DERL3: variants seen among roughly 807,000 people sequenced by gnomAD.
DERL3 encodes the protein derlin 3, also known as derlin-3.
Under a neutral mutation model 23.8 loss-of-function variants are expected in DERL3, and 20 were observed. The ratio of observed to expected loss-of-function variants is 0.84; its 90% confidence interval spans 0.59 to 1.22. The LOEUF (loss-of-function observed/expected upper bound fraction) is 1.22, where lower values mean the gene tolerates loss of function less well. Ranked by LOEUF, DERL3 falls within the 50% of genes most tolerant of loss-of-function variation. DERL3 has a pLI of 0.00. For synonymous variants in DERL3, 145 were observed against 132.5 expected (o/e 1.09, Z -0.65); for missense variants, 319 against 304.1 (o/e 1.05, Z -0.36).
chr22:23,838,414 A>C lies in DERL3; in HGVS notation c.265T>G (p.Ser89Ala). Residue 89 changes from serine to alanine, a missense_variant, in exon 4 of 7, where the codon TCC becomes GCC. Ser to Ala is a moderately conservative substitution (Grantham distance 99). Transcript: ENST00000318109. ...AAGTCGGCCGTGCGGCCGCGGAAGGAGCCCTCTTCCAGCATGCGGCAGTAG... is the reference window on the plus strand; with the variant it reads ...AAGTCGGCCGTGCGGCCGCGGAAGGCGCCCTCTTCCAGCATGCGGCAGTAG... ...FRYCRMLEEGSFRGRTADFVF... is the reference protein window; with the variant it reads ...FRYCRMLEEGAFRGRTADFVF... 1 of 1,609,444 alleles carries C rather than the reference A, an allele frequency of 6.2e-7. No individual in the cohort carries two copies. The highest frequency in any genetic ancestry group is 8.5e-7 in the Non-Finnish European group (1 of 1,177,918).
Position 23,836,717 on chromosome 22 carries a change from G to C in DERL3, c.*152C>G, listed in dbSNP as rs2031076355. 1 of 1,346,834 alleles carries C rather than the reference G, an allele frequency of 7.4e-7. No homozygotes were observed. Among genetic ancestry groups the C allele is most frequent in the Non-Finnish European group, 9.5e-7 (1 of 1,055,936 alleles). 83.4% of individuals were successfully genotyped at this position (1,346,834 alleles called of 1,614,324 possible). On this transcript the variant is annotated 3_prime_UTR_variant, in exon 7 of 7. Coordinates refer to ENST00000318109, the MANE Select transcript of DERL3 (RefSeq NM_001002862.3). Reference sequence around the variant, plus strand: ...GGCCAGGTGAGATGGGGAAGCCAGTGCTGTGGGCCAAGAGACTGCAGCTCA... The same window carrying C: ...GGCCAGGTGAGATGGGGAAGCCAGTCCTGTGGGCCAAGAGACTGCAGCTCA...
At chr22:23,837,558 G>T in intron 5 of DERL3, 101 bp downstream of exon 5, 1 of 1,242,966 alleles carries the variant, frequency 8.0e-7, no homozygotes, top group Non-Finnish European at 1.1e-6. Context: ...CAGGTGTGAG[G>T]AGAACTCCAG....
chr22:23,838,084 A>C, intron 4 of DERL3: 3 of 1,484,166 alleles, frequency 2.0e-6, no homozygotes, highest in Non-Finnish European at 2.7e-6. Flanking sequence ...TCCCTGCCCC[A>C]GTTTCTCCCG....
In DERL3 at chr22:23,836,770, T is replaced by C. The variant is rs766304663; in HGVS notation, c.*99A>G. ...CTGTTTATTCAGGTGGGCCCTTGCATGGGCCCAGCCTTTAGGATGGGTTTT... is the reference window on the plus strand; with the variant it reads ...CTGTTTATTCAGGTGGGCCCTTGCACGGGCCCAGCCTTTAGGATGGGTTTT... On this transcript the variant is annotated 3_prime_UTR_variant, in exon 7 of 7. Coordinates refer to ENST00000318109, the MANE Select transcript of DERL3 (RefSeq NM_001002862.3). The C allele has an allele frequency of 1.4e-6, 2 of 1,394,664 alleles. No individual in the cohort carries two copies. Among genetic ancestry groups the C allele is most frequent in the African/African-American group, 3.0e-5 (2 of 67,474 alleles). The allele number at this position is 1,394,664 out of a possible 1,614,324, so 86.4% of individuals were successfully genotyped here. A position where few individuals can be genotyped will look rare whatever the true frequency, so the allele number is the denominator to read the frequency against.
chr22:23,834,697 G>T lies in DERL3; in HGVS notation c.*2172C>A. 7.7e-7 allele frequency: 1 copy of T among 1,291,082 alleles called. No homozygotes were observed. The highest frequency in any genetic ancestry group is 1.0e-6 in the Non-Finnish European group (1 of 955,482). The allele number at this position is 1,291,082 out of a possible 1,614,324, so 80.0% of individuals were successfully genotyped here. ...GAATGGGGCTCCGGGTAGCACCTCA[G>T]CTCCTCTCAGCTCCCCTCAGCCTGT... is the stretch of plus-strand genomic sequence containing the variant. On this transcript the variant is annotated 3_prime_UTR_variant, in exon 7 of 7. Coordinates refer to ENST00000318109, the MANE Select transcript of DERL3 (RefSeq NM_001002862.3).
rs1326108386 is a variant in DERL3 at position 23,838,764 on chromosome 22, G to A, written c.106C>T (p.Leu36Phe). 1.3e-6 allele frequency: 2 copies of A among 1,551,304 alleles called. No homozygotes were observed. Among genetic ancestry groups the A allele is most frequent in the East Asian group, 2.4e-5 (1 of 40,916 alleles). The change falls in exon 2 of 7, where the codon CTC becomes TTC. Residue 36 changes from leucine (L) to phenylalanine (F), a missense_variant. Physicochemically the swap from Leu to Phe is conservative, Grantham distance 22 (BLOSUM62 0). Transcript: ENST00000318109. ...LTTAAVQLEL[L>F]SPFQLYFNPH... ...TTGAAGTAGAGTTGAAAGGGGCTGA[G>A]GAGCTCCAGCTGCTGTGGAACCAGG... is the stretch of plus-strand genomic sequence containing the variant.
In DERL3 at chr22:23,837,847, C is replaced by G. The variant is rs1226964737; in HGVS notation, c.335G>C (p.Gly112Ala). ...CAGGAAGAACAGGCTGCCCAGGAGT[C>G]CCAGCAGCTGGGCCAGAGTCAAGGT... Reference protein sequence around the residue: ...LFGGVLMTLLGLLGSLFFLGQ... With the variant: ...LFGGVLMTLLALLGSLFFLGQ... The change falls in exon 5 of 7, where the codon GGA becomes GCA. Residue 112 changes from glycine to alanine, a missense_variant. Physicochemically the swap from Gly to Ala is moderately conservative, Grantham distance 60. Coordinates refer to ENST00000318109, the MANE Select transcript of DERL3 (RefSeq NM_001002862.3). 1 of 1,611,462 alleles carries G rather than the reference C, an allele frequency of 6.2e-7. No homozygotes were observed. The highest frequency in any genetic ancestry group is 2.2e-5 in the East Asian group (1 of 44,822).
chr22:23,837,313 G>A (rs955825409), intron 5 of DERL3, 159 bp from the exon 6 acceptor site: 18 of 973,196 alleles, frequency 1.8e-5, no homozygotes, highest in Middle Eastern at 2.6e-4. Flanking sequence ...CGGGTTGGCC[G>A]TGAAGGACAA....
chr22:23,835,736 ACCT>A lies in DERL3; in HGVS notation c.*1130_*1132del. 1 of 985,368 alleles carries A rather than the reference ACCT, an allele frequency of 1.0e-6. No individual in the cohort carries two copies. Among genetic ancestry groups the A allele is most frequent in the Non-Finnish European group, 1.2e-6 (1 of 829,922 alleles). 61.0% of individuals were successfully genotyped at this position (985,368 alleles called of 1,614,324 possible). ...TGTTTGTTCTGTCCATGAGGTAGGA[ACCT>A]CGGCAATGAAAGGGTGAGGCAGCCC... On this transcript the variant is annotated 3_prime_UTR_variant, in exon 7 of 7. Transcript: ENST00000318109.
chr22:23,836,423 G>A lies in DERL3; in HGVS notation c.*446C>T. 1.0e-6 allele frequency: 1 copy of A among 988,258 alleles called. No individual in the cohort carries two copies. The highest frequency in any genetic ancestry group is 1.2e-6 in the Non-Finnish European group (1 of 831,994). 61.2% of individuals were successfully genotyped at this position (988,258 alleles called of 1,614,324 possible). A position where few individuals can be genotyped will look rare whatever the true frequency, so the allele number is the denominator to read the frequency against. On this transcript the variant is annotated 3_prime_UTR_variant, in exon 7 of 7. Transcript: ENST00000318109. ...GGAGACGCCTGTCCTGGCCCCAGCA[G>A]CCGAAATCTGGTGAACTTCCCCGCT... is the stretch of plus-strand genomic sequence containing the variant.
In DERL3 at chr22:23,837,647, CG is replaced by C; in HGVS notation, c.523+11del. ...CCAGCCTGGGGCGGACTAGATGTAC[CG>C]GGAGGCTCACCCAGCAGGTCCACGA... On this transcript the variant is annotated intron_variant, in intron 5 of 6. Transcript: ENST00000318109. The C allele has an allele frequency of 6.2e-7, 1 of 1,609,552 alleles. No individual in the cohort carries two copies. The highest frequency in any genetic ancestry group is 8.5e-7 in the Non-Finnish European group (1 of 1,177,240).
intron 4 of DERL3, 151 bp downstream of exon 4, chr22:23,838,201 G>A (rs1213581885): frequency 7.8e-6 from 12 of 1,547,884 alleles, no homozygotes; most frequent in Non-Finnish European, 1.0e-5. Flanking sequence ...CCTGACCCCT[G>A]CAGCTGAGCA....
intron 4 of DERL3, 175 bp downstream of exon 4, chr22:23,838,177 A>G (rs944774773): frequency 1.3e-6 from 2 of 1,544,326 alleles, no homozygotes; most frequent in Non-Finnish European, 1.7e-6. Flanking sequence ...TGCATACAGC[A>G]CTGAAGATCT....
chr22:23,838,295 A>G, intron 4 of DERL3, 57 bp downstream of exon 4: 1 of 1,557,212 alleles, frequency 6.4e-7, no homozygotes, highest in Non-Finnish European at 8.7e-7. Flanking sequence ...CAGGACCAAC[A>G]CAGGCTGGAC....
At position 23,837,712 on chromosome 22, in the gene DERL3, G is replaced by A. The variant is rs151270860; in HGVS notation, c.470C>T (p.Ala157Val). The A allele has an allele frequency of 1.9e-5, 30 of 1,613,956 alleles. No homozygotes were observed. The African/African-American group carries it at 2.4e-4, about 13-fold the overall frequency. The change falls in exon 5 of 7, where the codon GCG becomes GTG. Residue 157 changes from alanine to valine, a missense_variant. Coordinates refer to ENST00000318109, the MANE Select transcript of DERL3 (RefSeq NM_001002862.3). The stretch of plus-strand genomic sequence containing the variant: ...CAGCAGCAGCGAGAAGCCCATGAGC[G>A]CCCAAGGCAGGAACGGTGCCTGGAA... Reference protein sequence around the residue: ...LTFQAPFLPWALMGFSLLLGN... With the variant: ...LTFQAPFLPWVLMGFSLLLGN...
chr22:23,837,924 C>T, intron 4 of DERL3, 70 bp from the exon 5 acceptor site: 1 of 1,451,888 alleles, frequency 6.9e-7, no homozygotes. Context: ...CTTCCCAAGA[C>T]CCTGGAATTC....
rs769544563 is a variant in DERL3 at position 23,836,881 on chromosome 22, G to T, written c.696C>A (p.Pro232=). 2 of 1,476,626 alleles carry T rather than the reference G, an allele frequency of 1.4e-6. No individual in the cohort carries two copies. The highest frequency in any genetic ancestry group is 1.8e-6 in the Non-Finnish European group (2 of 1,111,788). The allele number at this position is 1,476,626 out of a possible 1,614,324, so 91.5% of individuals were successfully genotyped here. Residue 232 remains proline (P), a synonymous_variant, in exon 7 of 7, where the codon CCC becomes CCA. Coordinates refer to ENST00000318109, the MANE Select transcript of DERL3 (RefSeq NM_001002862.3). ...CCCTGGGTGGGGGTCACTGCTGCGG[G>T]GGTGGCAGATGGGGTCCTGGCTGTT... ...PEEQPGPHLP[P]PQQ is the part of the protein sequence containing the mutation.
intron 5 of DERL3, chr22:23,837,357 G>A: frequency 1.4e-6 from 1 of 714,568 alleles, no homozygotes; most frequent in South Asian, 1.9e-5. Context: ...AGGACCCAGG[G>A]AGGGGAGGGC....
Position 23,836,325 on chromosome 22 carries a change from G to A in DERL3, c.*544C>T. ...CTGTCAGGGTGGCTGATGAGAGACA[G>A]GAGAGGCTAGATTGGCATCAGCCTG... On this transcript the variant is annotated 3_prime_UTR_variant, in exon 7 of 7. Transcript: ENST00000318109. 5 of 985,526 alleles carry A rather than the reference G, an allele frequency of 5.1e-6. No homozygotes were observed. The highest frequency in any genetic ancestry group is 6.0e-6 in the Non-Finnish European group (5 of 829,974). 61.0% of individuals were successfully genotyped at this position (985,526 alleles called of 1,614,324 possible).
Sources: allele counts gnomAD v4.1 joint callset, GRCh38; gene constraint gnomAD v4.1.1; transcripts MANE v1.5; gene names NCBI Gene and HGNC (gene_info 2026-07-23, HGNC 2026-07-21).